CNGB1: variants seen among roughly 807,000 people sequenced by gnomAD.
CNGB1 encodes the protein cyclic nucleotide-gated channel beta-1.
Under a neutral mutation model 151.7 loss-of-function variants are expected in CNGB1, and 126 were observed. The observed-to-expected ratio is 0.83, with a 90% CI of 0.72 to 0.96. CNGB1 has a LOEUF of 0.96. CNGB1 is among the 40% of genes least tolerant of loss of function. The pLI is 0.00. For missense variants in CNGB1, 1,698 were observed against 1,627.0 expected (o/e 1.04, Z -0.75); for synonymous variants, 623 against 635.1 (o/e 0.98, Z 0.29).
intron 9 of CNGB1, among the ~76,000 whole-genome samples, 179 bp from the exon 10 acceptor site, chr16:57,960,244 G>C (rs1448721893): frequency 6.6e-6 from 1 of 152,188 alleles, no homozygotes; most frequent in Non-Finnish European, 1.5e-5. Context: ...GAGACCCAGG[G>C]AGGGGAAGAG....
At chr16:57,915,909 A>G (rs1214392841) in intron 22 of CNGB1, among the ~76,000 whole-genome samples, 4 of 151,410 alleles carry the variant, frequency 2.6e-5, no homozygotes, top group Admixed American at 1.3e-4. Flanking sequence ...AAAAAAAAAA[A>G]AAAAGAAAAG....
In CNGB1 at chr16:57,955,277, G is replaced by A. The variant is rs528415866; in HGVS notation, c.874+2064C>T. On this transcript the variant is annotated intron_variant, in intron 12 of 32. Coordinates refer to ENST00000251102, the MANE Select transcript of CNGB1 (RefSeq NM_001297.5). ...CTCCCCCGGGAAGGTCTTCTCTTCA[G>A]GGCATCCTTCTTTCCTTCCATCCAT... is the stretch of plus-strand genomic sequence containing the variant. 1.2e-5 allele frequency: 19 copies of A among 1,550,632 alleles called. No individual in the cohort carries two copies. The South Asian group carries it at 2.1e-4, about 17-fold the overall frequency.
At chr16:57,923,033 T>C in intron 18 of CNGB1, 2 of 409,692 alleles carry the variant, frequency 4.9e-6, no homozygotes, top group Non-Finnish European at 9.2e-6. Flanking sequence ...TCCCTCCCTC[T>C]CTGAGCACTG....
At chr16:57,954,941 G>A in intron 12 of CNGB1, 1 of 1,061,984 alleles carries the variant, frequency 9.4e-7, no homozygotes, top group Non-Finnish European at 1.1e-6. Context: ...TAGAGACAGG[G>A]TCTCACTGTG....
intron 17 of CNGB1, 57 bp from the exon 18 acceptor site, chr16:57,923,437 AGT>A (rs1961103257): frequency 7.1e-7 from 1 of 1,405,786 alleles, no homozygotes; most frequent in East Asian, 2.3e-5. Flanking sequence ...CCCAGGGAGA[AGT>A]GTCATGACTT....
intron 14 of CNGB1, among the ~76,000 whole-genome samples, chr16:57,948,557 C>T (rs1961866166): frequency 6.6e-6 from 1 of 152,028 alleles, no homozygotes; most frequent in African/African-American, 2.4e-5. Context: ...TCCTCATCTC[C>T]CCAACCTCTG....
intron 23 of CNGB1, 42 bp downstream of exon 23, chr16:57,915,207 G>A (rs376936465): frequency 1.3e-6 from 2 of 1,516,706 alleles, no homozygotes; most frequent in Non-Finnish European, 1.8e-6. Context: ...TGCAGAGCAG[G>A]GATGAGCTGA....
intron 2 of CNGB1, among the ~76,000 whole-genome samples, chr16:57,965,179 A>T (rs1467017023): frequency 2.0e-5 from 3 of 152,248 alleles, no homozygotes; most frequent in Admixed American, 6.5e-5. Flanking sequence ...GCATATATAC[A>T]CATACATATG....
intron 16 of CNGB1, among the ~76,000 whole-genome samples, chr16:57,939,188 A>G (rs768016335): frequency 6.6e-6 from 1 of 152,140 alleles, no homozygotes; most frequent in South Asian, 2.1e-4. Context: ...CCCCGGCGCC[A>G]CTGGGAGTCC....
At chr16:57,947,968 T>C (rs1382014994) in intron 14 of CNGB1, among the ~76,000 whole-genome samples, 6 of 152,214 alleles carry the variant, frequency 3.9e-5, no homozygotes, top group Non-Finnish European at 8.8e-5. Flanking sequence ...TTGGCGTTTC[T>C]GATGCCAAAG....
chr16:57,923,233 CGCAGT>C, intron 18 of CNGB1, 35 bp downstream of exon 18: 1 of 1,406,956 alleles, frequency 7.1e-7, no homozygotes, highest in Non-Finnish European at 9.9e-7. Flanking sequence ...CCACCCTCCC[CGCAGT>C]CTTTCAATTT....
Position 57,931,827 on chromosome 16 carries a change from T to C in CNGB1, c.1424A>G (p.Asp475Gly). ...PEVQVEDTDA[D>G]SCPLMAEENP... is the part of the protein sequence containing the mutation. ...CTCTTCTGCCATGAGGGGGCAGCTATCAGCATCAGTATCTTCCACCTGCAC... is the reference window on the plus strand; with the variant it reads ...CTCTTCTGCCATGAGGGGGCAGCTACCAGCATCAGTATCTTCCACCTGCAC... The change falls in exon 17 of 33, where the codon GAT becomes GGT. Residue 475 changes from aspartate (D) to glycine (G), a missense_variant. Coordinates refer to ENST00000251102, the MANE Select transcript of CNGB1 (RefSeq NM_001297.5). The C allele has an allele frequency of 6.2e-7, 1 of 1,614,152 alleles. No homozygotes were observed. The highest frequency in any genetic ancestry group is 8.5e-7 in the Non-Finnish European group (1 of 1,180,030).
intron 11 of CNGB1, among the ~76,000 whole-genome samples, 175 bp from the exon 12 acceptor site, chr16:57,957,552 G>C (rs1477765766): frequency 6.6e-6 from 1 of 152,210 alleles, no homozygotes; most frequent in Admixed American, 6.5e-5. Flanking sequence ...TTTGAGGTGG[G>C]GGGAGGGGGC....
chr16:57,939,189 C>T (rs1464929225), intron 16 of CNGB1, among the ~76,000 whole-genome samples: 1 of 152,142 alleles, frequency 6.6e-6, no homozygotes, highest in African/African-American at 2.4e-5. Context: ...CCCGGCGCCA[C>T]TGGGAGTCCT....
At chr16:57,915,198 G>A in intron 23 of CNGB1, 51 bp downstream of exon 23, 2 of 1,459,564 alleles carry the variant, frequency 1.4e-6, no homozygotes, top group Non-Finnish European at 1.9e-6. Flanking sequence ...CAGTGTCGGT[G>A]CAGAGCAGGG....
intron 1 of CNGB1, among the ~76,000 whole-genome samples, chr16:57,968,295 C>T (rs998495886): frequency 6.6e-6 from 1 of 152,086 alleles, no homozygotes; most frequent in African/African-American, 2.4e-5. Flanking sequence ...GTCAGGAGAT[C>T]CAGAGCAGCC....
intron 7 of CNGB1, among the ~76,000 whole-genome samples, chr16:57,961,701 G>C (rs1476196668): frequency 6.6e-6 from 1 of 152,188 alleles, no homozygotes. Context: ...ATATACGTGT[G>C]TTCATTCATG....
At chr16:57,915,789 C>T (rs2149363909) in intron 22 of CNGB1, among the ~76,000 whole-genome samples, 1 of 150,998 alleles carries the variant, frequency 6.6e-6, no homozygotes, top group Non-Finnish European at 1.5e-5. Context: ...ATCCCAGCTA[C>T]TAGGGAGGCT....
intron 27 of CNGB1, among the ~76,000 whole-genome samples, chr16:57,903,131 G>A (rs1021203109): frequency 1.3e-5 from 2 of 151,738 alleles, no homozygotes; most frequent in Non-Finnish European, 2.9e-5. Context: ...GAGAGAGAGA[G>A]GGAAGGAGGG....
Sources: gnomAD v4.1 joint callset for allele counts (sites outside exome capture counted in the v4.1 genomes callset) on GRCh38, gnomAD v4.1.1 for gene constraint, MANE v1.5 for transcripts, NCBI Gene and HGNC (gene_info 2026-07-23, HGNC 2026-07-21) for gene names.